Variants in FRMPD2 observed in about 807,000 individuals in gnomAD.
The protein encoded by FRMPD2 is FERM and PDZ domain containing 2, also known as FERM and PDZ domain-containing protein 2.
A neutral mutation model predicts 140.1 loss-of-function variants in FRMPD2; 96 were observed. The observed-to-expected ratio is 0.69, with a 90% CI of 0.58 to 0.81. FRMPD2 has a LOEUF of 0.81. FRMPD2 is among the 40% of genes least tolerant of loss of function. FRMPD2 has a pLI of 0.00. For missense variants in FRMPD2, 1,240 were observed against 1,447.4 expected, an observed-to-expected ratio of 0.86 and a Z score of 2.32; for synonymous variants, 449 against 547.6, an observed-to-expected ratio of 0.82 and a Z score of 2.52.
At chr10:48,184,315 T>G (rs765711475) in intron 20 of FRMPD2, among the ~76,000 whole-genome samples, 12 of 152,130 alleles carry the variant, frequency 7.9e-5, no homozygotes, top group Non-Finnish European at 1.8e-4. Flanking sequence ...ACTGGTTGTA[T>G]CCAGCCGTGT....
intron 16 of FRMPD2, among the ~76,000 whole-genome samples, chr10:48,191,677 T>C (rs1359611330): frequency 6.6e-6 from 1 of 152,128 alleles, no homozygotes. Flanking sequence ...GGAAAACTCA[T>C]CCCAAAAAAA....
At chr10:48,249,330 C>T (rs1840324555) in intron 2 of FRMPD2, 152 bp from the exon 3 acceptor site, 3 of 676,072 alleles carry the variant, frequency 4.4e-6, no homozygotes, top group Admixed American at 6.3e-5. Flanking sequence ...TAAATTCAAC[C>T]CTGATGCATG....
chr10:48,228,807 GTAAT>G (rs1437466674), intron 10 of FRMPD2, among the ~76,000 whole-genome samples: 3 of 151,988 alleles, frequency 2.0e-5, no homozygotes, highest in Non-Finnish European at 2.9e-5. Context: ...GTTTAAAAAA[GTAAT>G]TTTCTCTAGT....
At chr10:48,226,091 A>C (rs980785021) in intron 10 of FRMPD2, among the ~76,000 whole-genome samples, 3 of 152,322 alleles carry the variant, frequency 2.0e-5, no homozygotes, top group African/African-American at 7.2e-5. Flanking sequence ...AATTATACCA[A>C]AGATAATTTA....
intron 1 of FRMPD2, among the ~76,000 whole-genome samples, chr10:48,272,713 A>G (rs1840791231): frequency 6.6e-6 from 1 of 152,258 alleles, no homozygotes; most frequent in African/African-American, 2.4e-5. Context: ...ATGTTCATGC[A>G]GATTAAACCT....
chr10:48,242,216 G>T lies in FRMPD2; in HGVS notation c.512C>A (p.Pro171His), dbSNP rs1389185250. 6.2e-7 allele frequency: 1 copy of T among 1,614,210 alleles called. No homozygotes were observed. ...HEKEVSVYPAPAGLHIRRLVG... is the reference protein window; with the variant it reads ...HEKEVSVYPAHAGLHIRRLVG... ...CAGCCTTCTGATGTGGAGACCAGCA[G>T]GGGCTGGGTAGACAGACACTTCTTT... The change falls in exon 5 of 29, where the codon CCT (proline) becomes CAT (histidine). Residue 171 changes from proline (P) to histidine (H), a missense_variant. Physicochemically the swap from Pro to His is moderately conservative, Grantham distance 77. This residue lies in a region of FRMPD2 where 1,161 missense variants were observed against 1,055.9 expected (regional missense o/e 1.10). Transcript: ENST00000374201.
intron 12 of FRMPD2, among the ~76,000 whole-genome samples, chr10:48,215,725 G>C (rs995741286): frequency 6.6e-6 from 1 of 152,142 alleles, no homozygotes; most frequent in African/African-American, 2.4e-5. Flanking sequence ...TCTGGGGATG[G>C]GGAAGCAGAA....
At chr10:48,228,771 A>G (rs2131917886) in intron 10 of FRMPD2, among the ~76,000 whole-genome samples, 1 of 152,194 alleles carries the variant, frequency 6.6e-6, no homozygotes, top group South Asian at 2.1e-4. Context: ...AAAGGAAGAT[A>G]TGAGAATGTG....
At chr10:48,247,627 C>G (rs1440687488) in intron 3 of FRMPD2, among the ~76,000 whole-genome samples, 10 of 152,196 alleles carry the variant, frequency 6.6e-5, no homozygotes, top group Admixed American at 6.5e-4. Flanking sequence ...CCTCTTAGGT[C>G]CCCTCCAGAC....
chr10:48,233,807 C>T (rs182597699), intron 9 of FRMPD2, among the ~76,000 whole-genome samples: 1 of 152,260 alleles, frequency 6.6e-6, no homozygotes, highest in African/African-American at 2.4e-5. Flanking sequence ...ACACAGTGAC[C>T]TCTGCTGCCC....
intron 4 of FRMPD2, 25 bp downstream of exon 4, chr10:48,244,759 G>C: frequency 6.3e-7 from 1 of 1,585,588 alleles, no homozygotes; most frequent in Non-Finnish European, 8.7e-7. Flanking sequence ...AGCCCGGCAA[G>C]ACTTGGAGTA....
chr10:48,208,266 T>C (rs977336227), intron 13 of FRMPD2, among the ~76,000 whole-genome samples: 6 of 152,234 alleles, frequency 3.9e-5, no homozygotes, highest in Non-Finnish European at 8.8e-5. Context: ...TTAAAAGTCA[T>C]TAATAAAAGT....
rs1438405982 is a variant in FRMPD2 at position 48,236,433 on chromosome 10, C to T, written c.993+49G>A. The T allele has an allele frequency of 1.9e-6, 3 of 1,554,396 alleles. No individual in the cohort carries two copies. In the Admixed American group the frequency reaches 5.0e-5, roughly 26 times the overall value. ...ACACAATTGGCCTCCCGCAACTGCC[C>T]ACTTCCCTCGCCACCCTCCATCCCT... On this transcript the variant is annotated intron_variant, in intron 9 of 28. Transcript: ENST00000374201.
chr10:48,215,107 C>A (rs1176025495), intron 12 of FRMPD2, among the ~76,000 whole-genome samples: 1 of 152,204 alleles, frequency 6.6e-6, no homozygotes. Flanking sequence ...CATGTTGCTT[C>A]CCTGTTTAAA....
At chr10:48,210,828 C>G (rs1839302911) in intron 13 of FRMPD2, among the ~76,000 whole-genome samples, 1 of 152,254 alleles carries the variant, frequency 6.6e-6, no homozygotes, top group African/African-American at 2.4e-5. Context: ...GTACCCATCT[C>G]AATTAAGGGC....
At chr10:48,194,804 G>A (rs1838915136) in intron 15 of FRMPD2, among the ~76,000 whole-genome samples, 1 of 152,136 alleles carries the variant, frequency 6.6e-6, no homozygotes, top group Admixed American at 6.5e-5. Context: ...GTGAGTGCCA[G>A]TGTCATCGCC....
At chr10:48,201,198 G>A (rs755608934) in intron 15 of FRMPD2, 30 bp downstream of exon 15, 1 of 1,511,612 alleles carries the variant, frequency 6.6e-7, no homozygotes, top group East Asian at 2.4e-5. Context: ...ACTTGTCAAA[G>A]TGTATATGGA....
upstream of FRMPD2, chr10:48,274,769 T>G: frequency 2.8e-5 from 16 of 575,358 alleles, no homozygotes; most frequent in Non-Finnish European, 4.1e-5. Context: ...ACCACTCTCA[T>G]TCCCTGGGTC....
chr10:48,191,847 T>C (rs1017090410), intron 16 of FRMPD2, among the ~76,000 whole-genome samples: 4 of 152,218 alleles, frequency 2.6e-5, no homozygotes, highest in Non-Finnish European at 4.4e-5. Context: ...TTTTTACATA[T>C]AAATTTAAAT....
Sources: allele counts gnomAD v4.1 joint callset (sites outside exome capture counted in the v4.1 genomes callset), GRCh38; gene constraint gnomAD v4.1.1; regional missense constraint gnomAD v4.1.1; transcripts MANE v1.5; gene names NCBI Gene and HGNC (gene_info 2026-07-23, HGNC 2026-07-21).